The following INTS1 variants were observed in gnomAD, a reference collection of about 807,000 sequenced individuals.
INTS1 encodes the protein integrator complex subunit 1.
Under a neutral mutation model 241.6 loss-of-function variants are expected in INTS1, and 137 were observed. The observed-to-expected ratio is 0.57, with a 90% CI of 0.49 to 0.65. INTS1 has a LOEUF of 0.65. Among genes scored for constraint, INTS1 ranks in the 30% least tolerant of loss-of-function variants. The probability of loss-of-function intolerance (pLI) is 0.00; values close to 1 mark genes in which losing one functional copy is unlikely to be tolerated. For missense variants in INTS1, 3,073 were observed against 3,032.2 expected (o/e 1.01, Z -0.32); for synonymous variants, 1,692 against 1,337.8 (o/e 1.26, Z -5.78).
intron 1 of INTS1, 78 bp from the exon 2 acceptor site, chr7:1,504,079 G>A: frequency 2.6e-6 from 2 of 780,206 alleles, no homozygotes; most frequent in Admixed American, 3.0e-5. Context: ...TGCCGCACGG[G>A]GCTTGGGCCT....
Position 1,475,943 on chromosome 7 carries a change from C to A in INTS1, c.5502+5G>T. ...CGGCGGGGAGCGGCAGAGTTGCGCC[C>A]TCACCTTGCAGACGCTGCTGCTGGC... On this transcript the variant is annotated splice_donor_5th_base_variant and intron_variant, in intron 39 of 47. Coordinates refer to ENST00000404767, the MANE Select transcript of INTS1 (RefSeq NM_001080453.3). 6.5e-7 allele frequency: 1 copy of A among 1,537,358 alleles called. No homozygotes were observed. Among genetic ancestry groups the A allele is most frequent in the Non-Finnish European group, 8.7e-7 (1 of 1,143,928 alleles).
intron 14 of INTS1, 65 bp downstream of exon 14, chr7:1,494,751 C>T (rs1010484835): frequency 6.7e-6 from 10 of 1,500,058 alleles, no homozygotes; most frequent in South Asian, 4.8e-5. Flanking sequence ...CTGCCGCAGC[C>T]GGCCCGGCAC....
chr7:1,490,152 C>T (rs376778526), intron 16 of INTS1, among the ~76,000 whole-genome samples: 22 of 152,326 alleles, frequency 1.4e-4, no homozygotes, highest in African/African-American at 5.1e-4. Flanking sequence ...AAAGACCACA[C>T]CAGAAAGCAG....
In INTS1 at chr7:1,499,453, T is replaced by G. The variant is rs781672370; in HGVS notation, c.844+20A>C. ...CTGGGGCTTGGACACCCGCCCTCTC[T>G]GGCTGGCCGTGTGTCTCACCTGCAC... On this transcript the variant is annotated intron_variant, in intron 6 of 47. Transcript: ENST00000404767. The G allele has an allele frequency of 7.2e-7, 1 of 1,393,040 alleles. No homozygotes were observed. 86.3% of individuals were successfully genotyped at this position (1,393,040 alleles called of 1,614,324 possible). A position where few individuals can be genotyped will look rare whatever the true frequency, so the allele number is the denominator to read the frequency against.
chr7:1,482,448 C>T, intron 27 of INTS1, 98 bp downstream of exon 27: 2 of 1,264,178 alleles, frequency 1.6e-6, no homozygotes, highest in South Asian at 1.5e-5. Context: ...GTCTTCTCCT[C>T]TGCCACAGCC....
intron 16 of INTS1, among the ~76,000 whole-genome samples, chr7:1,492,344 G>A (rs943188124): frequency 6.6e-6 from 1 of 152,168 alleles, no homozygotes; most frequent in Non-Finnish European, 1.5e-5. Context: ...CTGGTCACAA[G>A]ATCATGCACT....
chr7:1,497,253 C>A lies in INTS1; in HGVS notation c.1487G>T (p.Arg496Leu). 1 of 1,613,384 alleles carries A rather than the reference C, an allele frequency of 6.2e-7. No homozygotes were observed. The change falls in exon 11 of 48, where the codon CGG becomes CTG. Residue 496 changes from arginine to leucine, a missense_variant. By Grantham distance (102) the Arg-to-Leu change is moderately radical. Coordinates refer to ENST00000404767, the MANE Select transcript of INTS1 (RefSeq NM_001080453.3). This position sits in a 1 kb window ranked among gnomAD's most constrained non-coding sequence, Gnocchi z 5.3. ...TNKDDYLRAS[R>L]ALLREIIKQT... Reference sequence around the variant, plus strand: ...CTTGATGATCTCCCGCAGCAGGGCCCGCGAGGCCCGCAGGTAGTCGTCCTT... The same window carrying A: ...CTTGATGATCTCCCGCAGCAGGGCCAGCGAGGCCCGCAGGTAGTCGTCCTT...
chr7:1,494,681 A>AG (rs2128542332), intron 14 of INTS1, 135 bp downstream of exon 14: 1 of 816,368 alleles, frequency 1.2e-6, no homozygotes, highest in South Asian at 1.5e-5. Flanking sequence ...AGGATTGTGG[A>AG]GGAGGAGCAG....
Position 1,499,237 on chromosome 7 carries a change from G to T in INTS1, c.950+18C>A, listed in dbSNP as rs779510542. ...GCCCCCGCCGCCCCCAACTGGGACC[G>T]GGCAGGCACGCAGCTACCTGGGCAT... is the stretch of plus-strand genomic sequence containing the variant. On this transcript the variant is annotated intron_variant, in intron 7 of 47. Transcript: ENST00000404767. 1.2e-6 allele frequency: 2 copies of T among 1,608,326 alleles called. No homozygotes were observed.
intron 5 of INTS1, 24 bp from the exon 6 acceptor site, chr7:1,499,656 C>G: frequency 1.6e-5 from 25 of 1,576,328 alleles, no homozygotes; most frequent in Non-Finnish European, 2.2e-5. Context: ...ACACCCTCAG[C>G]CCCGAGCCCA....
Position 1,477,765 on chromosome 7 carries a change from G to A in INTS1, c.4802C>T (p.Ala1601Val), listed in dbSNP as rs367716242. ...EEPLAGGKPG[A>V]DGGSLEAVRL... ...CACCCCAGCTCACCTGCCACCGTCC[G>A]CACCCGGCTTCCCCCCAGCCAGGGG... Residue 1601 changes from alanine to valine, a missense_variant, in exon 34 of 48, where the codon GCG becomes GTG. Transcript: ENST00000404767. 6.0e-5 allele frequency: 96 copies of A among 1,612,152 alleles called. No individual in the cohort carries two copies. The Middle Eastern group carries it at 6.6e-4, about 11-fold the overall frequency.
chr7:1,480,732 T>C, intron 29 of INTS1, 103 bp downstream of exon 29: 1 of 932,952 alleles, frequency 1.1e-6, no homozygotes, highest in Non-Finnish European at 1.6e-6. Context: ...CACTGCCCTG[T>C]GTGGCTGTGC....
intron 3 of INTS1, 53 bp from the exon 4 acceptor site, chr7:1,500,419 A>C: frequency 6.9e-7 from 1 of 1,458,064 alleles, no homozygotes; most frequent in Non-Finnish European, 9.1e-7. Flanking sequence ...GGTCACCCCA[A>C]AGCCTCGGGA....
intron 35 of INTS1, 142 bp from the exon 36 acceptor site, chr7:1,477,060 C>A: frequency 9.4e-7 from 1 of 1,063,692 alleles, no homozygotes; most frequent in Non-Finnish European, 1.3e-6. Context: ...CGTCATGGTG[C>A]TGGAGGGCCG....
intron 44 of INTS1, 154 bp from the exon 45 acceptor site, chr7:1,471,795 C>G (rs902705136): frequency 1.5e-6 from 1 of 672,206 alleles, no homozygotes; most frequent in Admixed American, 2.6e-5. Flanking sequence ...CAGTCACCTG[C>G]CCCCAAGCTC....
Position 1,476,433 on chromosome 7 carries a change from A to G in INTS1, c.5174T>C (p.Leu1725Pro). 2 of 1,568,066 alleles carry G rather than the reference A, an allele frequency of 1.3e-6. No homozygotes were observed. The highest frequency in any genetic ancestry group is 8.6e-7 in the Non-Finnish European group (1 of 1,162,168). ...GATGAGCTCCGGGCCCTGGACCCGC[A>G]GCACCAGCTCCTCCCGCCGCTTCTG... ...TPQKRREELV[L>P]RVQGPELISL... is the part of the protein sequence containing the mutation. The change falls in exon 38 of 48, where the codon CTG (leucine) becomes CCG (proline). Residue 1725 changes from leucine to proline, a missense_variant. Physicochemically the swap from Leu to Pro is moderately conservative, Grantham distance 98 (BLOSUM62 -3). Coordinates refer to ENST00000404767, the MANE Select transcript of INTS1 (RefSeq NM_001080453.3).
chr7:1,478,751 G>A lies in INTS1; in HGVS notation c.4464C>T (p.Ala1488=). Residue 1488 remains alanine, a synonymous_variant, in exon 32 of 48, where the codon GCC becomes GCT. Transcript: ENST00000404767. ...CATCACTGAGCCTGCGCCCGGCTGA[G>A]GCCTGGCTGGCAAGCATCCTGAGCT... ...RAQLRMLASQ[A]SAGRRLSDVR... 1.3e-6 allele frequency: 2 copies of A among 1,592,290 alleles called. No individual in the cohort carries two copies. The highest frequency in any genetic ancestry group is 1.3e-5 in the African/African-American group (1 of 74,542).
chr7:1,483,900 A>C lies in INTS1; in HGVS notation c.3430-47T>G, dbSNP rs766430349. On this transcript the variant is annotated intron_variant, in intron 25 of 47. Coordinates refer to ENST00000404767, the MANE Select transcript of INTS1 (RefSeq NM_001080453.3). ...CAGGCCGTAAGGTTCAGGGACCCTG[A>C]GCCAGCGCCGAGGGTACCCAGCTGG... 4 of 1,590,068 alleles carry C rather than the reference A, an allele frequency of 2.5e-6. No homozygotes were observed. In the South Asian group the frequency reaches 3.3e-5, roughly 13 times the overall value.
rs751303536 is a variant in INTS1 at position 1,471,230 on chromosome 7, C to T, written c.6256-6G>A. The stretch of plus-strand genomic sequence containing the variant: ...ATCAGCCGCTGCAGGTTGGTCTGAC[C>T]GGGGGAAAGGTGGGAGGTGTGTGAC... On this transcript the variant is annotated splice_polypyrimidine_tract_variant and splice_region_variant and intron_variant, in intron 45 of 47. Coordinates refer to ENST00000404767, the MANE Select transcript of INTS1 (RefSeq NM_001080453.3). The T allele has an allele frequency of 1.3e-5, 20 of 1,571,600 alleles. No individual in the cohort carries two copies. Among genetic ancestry groups the T allele is most frequent in the Admixed American group, 5.6e-5 (3 of 53,798 alleles).
Sources: allele counts gnomAD v4.1 joint callset (sites outside exome capture counted in the v4.1 genomes callset), GRCh38; gene constraint gnomAD v4.1.1; non-coding constraint Gnocchi (gnomAD v3.1); transcripts MANE v1.5; gene names NCBI Gene and HGNC (gene_info 2026-07-23, HGNC 2026-07-21).